Variants in H6PD observed in about 807,000 individuals in gnomAD.
H6PD encodes the protein GDH/6PGL endoplasmic bifunctional protein.
In H6PD, 48 loss-of-function variants were observed where a neutral mutation model predicts 61.2. That is an observed-to-expected ratio of 0.78 (90% CI 0.62 to 1.00). The LOEUF (loss-of-function observed/expected upper bound fraction) is 1.00. Among genes scored for constraint, H6PD ranks in the 50% least tolerant of loss-of-function variants. H6PD has a pLI of 0.00. For missense variants in H6PD, 1,093 were observed against 1,065.0 expected (o/e 1.03, Z -0.37); for synonymous variants, 480 against 457.9 (o/e 1.05, Z -0.62).
Position 9,247,082 on chromosome 1 carries a change from A to C in H6PD, c.744A>C (p.Glu248Asp). Reference sequence around the variant, plus strand: ...TCATGAAAGAGACCGTGGATGCTGAAGGTGTGTGAGTGGCCCTGCGCACTC... The same window carrying C: ...TCATGAAAGAGACCGTGGATGCTGACGGTGTGTGAGTGGCCCTGCGCACTC... The part of the protein sequence containing the change: ...EIIMKETVDA[E>D]GRTSFYEEYG... Residue 248 changes from glutamate to aspartate, a missense_variant and splice_region_variant, in exon 3 of 5, where the codon GAA (glutamate) becomes GAC (aspartate). Transcript: ENST00000377403. 1 of 1,589,040 alleles carries C rather than the reference A, an allele frequency of 6.3e-7. No homozygotes were observed. Among genetic ancestry groups the C allele is most frequent in the South Asian group, 1.1e-5 (1 of 90,680 alleles).
chr1:9,242,449 A>G (rs1557735806), intron 1 of H6PD: 1 of 338,110 alleles, frequency 3.0e-6, no homozygotes, highest in South Asian at 1.2e-4. Context: ...GTAATACCCA[A>G]TATCTTGGAT....
At chr1:9,261,986 G>A in intron 3 of H6PD, 73 bp from the exon 4 acceptor site, 1 of 1,483,110 alleles carries the variant, frequency 6.7e-7, no homozygotes, top group Non-Finnish European at 9.4e-7. Flanking sequence ...CTGGGGTTTT[G>A]GTGCACCTCG....
rs757844685 is a variant in H6PD at position 9,264,596 on chromosome 1, C to T, written c.2103C>T (p.Ser701=). The change falls in exon 5 of 5, where the codon TCC becomes TCT. Residue 701 remains serine, a synonymous_variant. Coordinates refer to ENST00000377403, the MANE Select transcript of H6PD (RefSeq NM_004285.4). ...TGGGTGCCGACGGGCACACAGCCTCCCTCTTCCCACAGTCACCCACTGGCC... is the reference window on the plus strand; with the variant it reads ...TGGGTGCCGACGGGCACACAGCCTCTCTCTTCCCACAGTCACCCACTGGCC... ...LGMGADGHTA[S]LFPQSPTGLD... is the part of the protein sequence containing the mutation. The T allele has an allele frequency of 9.9e-6, 16 of 1,613,280 alleles. No homozygotes were observed. Among genetic ancestry groups the T allele is most frequent in the Non-Finnish European group, 1.3e-5 (15 of 1,179,968 alleles).
At position 9,264,406 on chromosome 1, in the gene H6PD, CCCA is replaced by C. The variant is rs772326048; in HGVS notation, c.1916_1918del (p.His639del). ...GAGTCCAACTTCCAGGGCCTGCAGG[CCCA>C]CCTGCTGCAGCACGTCCGGATCCCC... On this transcript the variant is annotated inframe_deletion, in exon 5 of 5. Coordinates refer to ENST00000377403, the MANE Select transcript of H6PD (RefSeq NM_004285.4). 1 of 1,612,934 alleles carries C rather than the reference CCCA, an allele frequency of 6.2e-7. No individual in the cohort carries two copies. The highest frequency in any genetic ancestry group is 1.1e-5 in the South Asian group (1 of 91,090).
chr1:9,237,583 A>T (rs1640888163), intron 1 of H6PD, among the ~76,000 whole-genome samples: 1 of 152,140 alleles, frequency 6.6e-6, no homozygotes, highest in African/African-American at 2.4e-5. Context: ...CCCTGCTAAG[A>T]TGGGGATAAT....
At chr1:9,240,285 C>G (rs1640958762) in intron 1 of H6PD, among the ~76,000 whole-genome samples, 1 of 152,168 alleles carries the variant, frequency 6.6e-6, no homozygotes, top group South Asian at 2.1e-4. Flanking sequence ...GAGTTTTTGT[C>G]TTAACTGCTG....
intron 3 of H6PD, among the ~76,000 whole-genome samples, chr1:9,255,923 G>A (rs533979968): frequency 3.3e-5 from 5 of 152,300 alleles, no homozygotes; most frequent in Non-Finnish European, 5.9e-5. Flanking sequence ...ACTTCACACC[G>A]TTCTGTTGTA....
intron 1 of H6PD, among the ~76,000 whole-genome samples, chr1:9,240,525 C>T (rs1640966949): frequency 6.6e-6 from 1 of 152,290 alleles, no homozygotes; most frequent in African/African-American, 2.4e-5. Flanking sequence ...GAAACTGAGG[C>T]CCAGCCAGGC....
chr1:9,255,634 A>G (rs986386362), intron 3 of H6PD, among the ~76,000 whole-genome samples: 1 of 152,136 alleles, frequency 6.6e-6, no homozygotes, highest in South Asian at 2.1e-4. Context: ...CTATTATTGC[A>G]GGGGAAGGGA....
intron 1 of H6PD, chr1:9,239,817 G>C (rs1395701209): frequency 5.0e-6 from 2 of 397,502 alleles, no homozygotes; most frequent in African/African-American, 4.1e-5. Context: ...GGGCATAGAG[G>C]ATTAGAACTG....
At chr1:9,246,224 G>A (rs1429906806) in intron 2 of H6PD, among the ~76,000 whole-genome samples, 3 of 152,154 alleles carry the variant, frequency 2.0e-5, no homozygotes, top group East Asian at 1.9e-4. Context: ...GATTACAGGC[G>A]TGAGCCACCG....
At chr1:9,238,562 T>TA (rs1640912568) in intron 1 of H6PD, among the ~76,000 whole-genome samples, 1 of 152,188 alleles carries the variant, frequency 6.6e-6, no homozygotes, top group Non-Finnish European at 1.5e-5. Flanking sequence ...TGCTGACAGA[T>TA]ACGATGACCT....
Position 9,264,732 on chromosome 1 carries a change from A to G in H6PD, c.2239A>G (p.Met747Val). ...NRAKKVAVLV[M>V]GRMKREITTL... ...CGCCAAGAAGGTGGCAGTCCTGGTCATGGGCAGGATGAAGCGTGAGATCAC... is the reference window on the plus strand; with the variant it reads ...CGCCAAGAAGGTGGCAGTCCTGGTCGTGGGCAGGATGAAGCGTGAGATCAC... The change falls in exon 5 of 5, where the codon ATG (methionine) becomes GTG (valine). Residue 747 changes from methionine to valine, a missense_variant. Physicochemically the swap from Met to Val is conservative, Grantham distance 21. Coordinates refer to ENST00000377403, the MANE Select transcript of H6PD (RefSeq NM_004285.4). 6.2e-7 allele frequency: 1 copy of G among 1,613,268 alleles called. No homozygotes were observed. The highest frequency in any genetic ancestry group is 8.5e-7 in the Non-Finnish European group (1 of 1,180,004).
At chr1:9,249,564 C>T (rs1460571102) in intron 3 of H6PD, among the ~76,000 whole-genome samples, 2 of 152,172 alleles carry the variant, frequency 1.3e-5, no homozygotes, top group East Asian at 1.9e-4. Context: ...GAGGGTCCGC[C>T]GCTCCTAAGC....
chr1:9,251,836 C>G (rs1252171058), intron 3 of H6PD, among the ~76,000 whole-genome samples: 1 of 152,036 alleles, frequency 6.6e-6, no homozygotes, highest in Non-Finnish European at 1.5e-5. Context: ...TTAGTAATCC[C>G]AGAAGGTGTT....
chr1:9,242,954 A>G, intron 1 of H6PD: 1 of 985,486 alleles, frequency 1.0e-6, no homozygotes, highest in East Asian at 1.1e-4. Context: ...AGGAAAAAGC[A>G]GAATGGTCCT....
chr1:9,262,235 G>A lies in H6PD; in HGVS notation c.922G>A (p.Ala308Thr), dbSNP rs987788379. Residue 308 changes from alanine (A) to threonine (T), a missense_variant, in exon 4 of 5, where the codon GCC becomes ACC. By Grantham distance (58) the Ala-to-Thr change is moderately conservative (BLOSUM62 0). Transcript: ENST00000377403. The part of the protein sequence containing the change: ...QALRGLQRGS[A>T]VVGQYQSYSE... ...GCTGCGGGGCCTGCAGAGGGGCAGTGCCGTCGTGGGCCAGTACCAGTCTTA... is the reference window on the plus strand; with the variant it reads ...GCTGCGGGGCCTGCAGAGGGGCAGTACCGTCGTGGGCCAGTACCAGTCTTA... 5.0e-6 allele frequency: 8 copies of A among 1,613,224 alleles called. No individual in the cohort carries two copies. The African/African-American group carries it at 6.7e-5, about 13-fold the overall frequency.
chr1:9,244,974 C>G lies in H6PD; in HGVS notation c.40C>G (p.Leu14Val). The stretch of plus-strand genomic sequence containing the variant: ...CATAGTGGCGATGTGCTTGGCCCTT[C>G]TGGGCTGCCTGCAAGCCCAGGAGCT... ...MLIVAMCLAL[L>V]GCLQAQELQG... Residue 14 changes from leucine to valine, a missense_variant, in exon 2 of 5, where the codon CTG becomes GTG. Coordinates refer to ENST00000377403, the MANE Select transcript of H6PD (RefSeq NM_004285.4). 6.2e-7 allele frequency: 1 copy of G among 1,614,156 alleles called. No homozygotes were observed. Among genetic ancestry groups the G allele is most frequent in the Non-Finnish European group, 8.5e-7 (1 of 1,179,980 alleles).
Position 9,265,149 on chromosome 1 carries a change from C to T in H6PD, c.*280C>T. ...AGAAGTCTTAAGAAAAGACCTCCAG[C>T]AGTTACACATTCATATCAACCAGCA... On this transcript the variant is annotated 3_prime_UTR_variant, in exon 5 of 5. Transcript: ENST00000377403. The T allele has an allele frequency of 3.7e-6, 2 of 541,984 alleles. No homozygotes were observed. Among genetic ancestry groups the T allele is most frequent in the South Asian group, 2.0e-5 (1 of 49,474 alleles). 33.6% of individuals were successfully genotyped at this position (541,984 alleles called of 1,614,324 possible).
Sources: allele counts gnomAD v4.1 joint callset (sites outside exome capture counted in the v4.1 genomes callset), GRCh38; gene constraint gnomAD v4.1.1; transcripts MANE v1.5; gene names NCBI Gene and HGNC (gene_info 2026-07-23, HGNC 2026-07-21).